Variants in SCEL observed in about 807,000 individuals in gnomAD.
The protein encoded by SCEL is sciellin.
SCEL carries 113 observed loss-of-function variants against 117.6 expected under a neutral mutation model. The observed-to-expected ratio is 0.96, with a 90% CI of 0.83 to 1.12. SCEL has a LOEUF of 1.12. Among genes scored for constraint, SCEL ranks in the 50% most tolerant of loss-of-function variants. The pLI, the probability that SCEL is intolerant of heterozygous loss-of-function variation, is 0.00. For missense variants in SCEL, 785 were observed against 810.8 expected, an observed-to-expected ratio of 0.97 and a Z score of 0.39; for synonymous variants, 270 against 256.2, an observed-to-expected ratio of 1.05 and a Z score of -0.51.
intron 9 of SCEL, among the ~76,000 whole-genome samples, chr13:77,576,869 A>G (rs2085972133): frequency 6.6e-6 from 1 of 152,104 alleles, no homozygotes; most frequent in Non-Finnish European, 1.5e-5. Flanking sequence ...TGTTAGCTGT[A>G]TTCCTAGGTA....
intron 9 of SCEL, among the ~76,000 whole-genome samples, chr13:77,582,067 C>G (rs1308636513): frequency 6.6e-6 from 1 of 152,112 alleles, no homozygotes; most frequent in Non-Finnish European, 1.5e-5. Context: ...TTGCTTGGGA[C>G]TGTCTTCATA....
intron 28 of SCEL, among the ~76,000 whole-genome samples, chr13:77,632,866 C>T (rs1469342142): frequency 6.6e-6 from 1 of 152,102 alleles, no homozygotes; most frequent in Non-Finnish European, 1.5e-5. Flanking sequence ...CCATTAAAAC[C>T]AAAATGAAGA....
intron 13 of SCEL, among the ~76,000 whole-genome samples, chr13:77,597,812 ATTTG>A (rs1175259155): frequency 2.0e-5 from 3 of 151,952 alleles, no homozygotes; most frequent in Non-Finnish European, 2.9e-5. Flanking sequence ...TTCATACGCC[ATTTG>A]TTTATTAAGG....
chr13:77,537,972 G>A (rs746862443), intron 1 of SCEL, among the ~76,000 whole-genome samples: 6 of 152,090 alleles, frequency 3.9e-5, no homozygotes, highest in African/African-American at 7.2e-5. Flanking sequence ...ATATGGCTTC[G>A]CTTTCTGTCA....
intron 12 of SCEL, 57 bp from the exon 13 acceptor site, chr13:77,597,488 C>A: frequency 1.0e-6 from 1 of 993,190 alleles, no homozygotes; most frequent in Non-Finnish European, 1.5e-6. Flanking sequence ...GCAAATTTAC[C>A]CTTTGACCCT....
rs796907419 is a variant in SCEL, at chr13:77,593,295, T to TGTGTGTGTGTGTGTGCGCGC, written c.693-217_693-216insGTGTGTGTGTGTGCGCGCGT. Among the ~76,000 whole-genome samples the TGTGTGTGTGTGTGTGCGCGC allele has an allele frequency of 5.2e-4, 71 of 136,882 alleles. 1 individual carries two copies. The highest frequency in any genetic ancestry group is 8.6e-4 in the African/African-American group (31 of 35,888). The allele number at this position is 136,882 out of a possible 152,430, so 89.8% of individuals were successfully genotyped here. A position where few individuals can be genotyped will look rare whatever the true frequency, so the allele number is the denominator to read the frequency against. The stretch of plus-strand genomic sequence containing the variant: ...GTGTGTGTGTGTGTGTGTGTGTGTG[T>TGTGTGTGTGTGTGTGCGCGC]GTCTGTGTGTGTGTGTGTGTGTGTC... On this transcript the variant is annotated intron_variant, in intron 11 of 32. Transcript: ENST00000349847.
chr13:77,644,155 C>T (rs971663434), intron 32 of SCEL, 103 bp from the exon 33 acceptor site: 1 of 1,264,996 alleles, frequency 7.9e-7, no homozygotes, highest in African/African-American at 1.5e-5. Flanking sequence ...AAAGTGGAAT[C>T]CTTAATCTAC....
intron 22 of SCEL, among the ~76,000 whole-genome samples, chr13:77,612,427 G>C (rs1392446280): frequency 1.4e-5 from 2 of 139,788 alleles, no homozygotes; most frequent in Non-Finnish European, 3.1e-5. Flanking sequence ...GCATAACTTA[G>C]AATCAGAAAA....
chr13:77,635,277 G>A lies in SCEL; in HGVS notation c.1763+827G>A, dbSNP rs140352858. On this transcript the variant is annotated intron_variant, in intron 29 of 32. Coordinates refer to ENST00000349847, the MANE Select transcript of SCEL (RefSeq NM_144777.3). Reference sequence around the variant, plus strand: ...CTTAATCCAATTCTCACTCTCTGGCGTGTTCAAGTCAGTGATTTCTGCTGT... The same window carrying A: ...CTTAATCCAATTCTCACTCTCTGGCATGTTCAAGTCAGTGATTTCTGCTGT... Among the ~76,000 whole-genome samples the A allele has an allele frequency of 2.4e-4, 37 of 152,236 alleles. 1 individual carries two copies. In the South Asian group the frequency reaches 3.3e-3, roughly 14 times the overall value.
At chr13:77,563,098 A>G (rs1370283431) in intron 4 of SCEL, among the ~76,000 whole-genome samples, 1 of 151,708 alleles carries the variant, frequency 6.6e-6, no homozygotes, top group East Asian at 1.9e-4. Flanking sequence ...TGAGTCTTCT[A>G]TCCTCTTTTC....
rs371220383 is a variant in SCEL, at chr13:77,640,693, A to G, written c.1856A>G (p.Asp619Gly). Residue 619 changes from aspartate to glycine, a missense_variant, in exon 31 of 33, where the codon GAT (aspartate) becomes GGT (glycine). By Grantham distance (94) the Asp-to-Gly change is moderately conservative. Transcript: ENST00000349847. ...STSDRSVIER[D>G]MCTYCRKPLG... Reference sequence around the variant, plus strand: ...TTCTATAGGTCTGTCATTGAAAGAGATATGTGCACTTACTGCCGAAAACCC... The same window carrying G: ...TTCTATAGGTCTGTCATTGAAAGAGGTATGTGCACTTACTGCCGAAAACCC... The G allele has an allele frequency of 6.3e-7, 1 of 1,587,518 alleles. No individual in the cohort carries two copies. The highest frequency in any genetic ancestry group is 8.6e-7 in the Non-Finnish European group (1 of 1,162,590).
chr13:77,540,343 G>T (rs558939980), intron 1 of SCEL, among the ~76,000 whole-genome samples: 1 of 152,126 alleles, frequency 6.6e-6, no homozygotes, highest in African/African-American at 2.4e-5. Context: ...GAATGTGTGC[G>T]GGTGTGAGTA....
At chr13:77,615,297 C>T (rs568451425) in intron 24 of SCEL, among the ~76,000 whole-genome samples, 1 of 152,064 alleles carries the variant, frequency 6.6e-6, no homozygotes, top group Non-Finnish European at 1.5e-5. Context: ...GTGAGATCTT[C>T]TAACTCCCAG....
intron 9 of SCEL, among the ~76,000 whole-genome samples, chr13:77,575,253 CT>C (rs200383261): frequency 0.013 from 1,951 of 147,202 alleles, 106 homozygotes; most frequent in East Asian, 0.13. Flanking sequence ...GGGACTTAAA[CT>C]TTTTTTTTTT....
chr13:77,593,574 G>A lies in SCEL; in HGVS notation c.752+1G>A. The A allele has an allele frequency of 6.2e-7, 1 of 1,611,638 alleles. No individual in the cohort carries two copies. Among genetic ancestry groups the A allele is most frequent in the Non-Finnish European group, 8.5e-7 (1 of 1,178,194 alleles). ...CTTCACTTCAGAGAAGTGACAAAGG[G>A]TGAGATCTCAGAGCTTTTGAGCTTG... On this transcript the variant is annotated splice_donor_variant, in intron 12 of 32. Coordinates refer to ENST00000349847, the MANE Select transcript of SCEL (RefSeq NM_144777.3). LOFTEE classifies it high-confidence loss of function.
chr13:77,561,573 C>T (rs2084978285), intron 4 of SCEL, among the ~76,000 whole-genome samples: 1 of 152,192 alleles, frequency 6.6e-6, no homozygotes, highest in Non-Finnish European at 1.5e-5. Context: ...ACCTTGATGC[C>T]CACTGAACAG....
intron 9 of SCEL, among the ~76,000 whole-genome samples, chr13:77,575,742 A>G (rs768808018): frequency 7.9e-5 from 12 of 152,202 alleles, no homozygotes; most frequent in Admixed American, 1.3e-4. Context: ...CTTCTTGGTC[A>G]TTGTGATTTC....
intron 28 of SCEL, among the ~76,000 whole-genome samples, chr13:77,631,204 G>T (rs2154406083): frequency 6.6e-6 from 1 of 152,278 alleles, no homozygotes; most frequent in South Asian, 2.1e-4. Flanking sequence ...ATTTTAAAAG[G>T]CACTATGGGC....
intron 27 of SCEL, among the ~76,000 whole-genome samples, chr13:77,627,431 C>T (rs968630327): frequency 6.6e-6 from 1 of 151,950 alleles, no homozygotes; most frequent in Non-Finnish European, 1.5e-5. Flanking sequence ...GAAATAAGAC[C>T]TAGTATTAGA....
Sources: gnomAD v4.1 joint callset for allele counts (sites outside exome capture counted in the v4.1 genomes callset) on GRCh38, gnomAD v4.1.1 for gene constraint, MANE v1.5 for transcripts, NCBI Gene and HGNC (gene_info 2026-07-23, HGNC 2026-07-21) for gene names.